The following MBTPS1 variants were observed in gnomAD, a reference collection of about 807,000 sequenced individuals.
The protein encoded by MBTPS1 is membrane bound transcription factor peptidase, site 1.
Under a neutral mutation model 127.8 loss-of-function variants are expected in MBTPS1, and 94 were observed. That is an observed-to-expected ratio of 0.74 (90% CI 0.62 to 0.87). The LOEUF (loss-of-function observed/expected upper bound fraction) is 0.87. Ranked by LOEUF, MBTPS1 falls within the 40% of genes least tolerant of loss-of-function variation. MBTPS1 has a pLI of 0.00. For synonymous variants in MBTPS1, 632 were observed against 509.4 expected (o/e 1.24, Z -3.24); for missense variants, 1,636 against 1,353.2 (o/e 1.21, Z -3.28).
At chr16:84,115,633 C>T (rs11860904) in intron 1 of MBTPS1, among the ~76,000 whole-genome samples, 1 of 152,030 alleles carries the variant, frequency 6.6e-6, no homozygotes, top group East Asian at 1.9e-4. Context: ...CACAAAAGGC[C>T]GCATATCATA....
chr16:84,070,790 A>T lies in MBTPS1; in HGVS notation c.1594-14T>A, dbSNP rs772223824. 2 of 1,593,588 alleles carry T rather than the reference A, an allele frequency of 1.3e-6. No individual in the cohort carries two copies. The highest frequency in any genetic ancestry group is 1.4e-5 in the African/African-American group (1 of 73,804). On this transcript the variant is annotated splice_polypyrimidine_tract_variant and intron_variant, in intron 12 of 22. Transcript: ENST00000343411. ...CTGCCAGTCAGGCTGCAGGAAAAAG[A>T]AATCAGACAAAGGCTAAAGTGAAAA... is the stretch of plus-strand genomic sequence containing the variant.
intron 10 of MBTPS1, among the ~76,000 whole-genome samples, chr16:84,083,458 CTT>C (rs776867410): frequency 3.4e-5 from 5 of 147,004 alleles, no homozygotes; most frequent in Admixed American, 6.8e-5. Flanking sequence ...ATATCTACCC[CTT>C]TTTTTTTTTT....
rs749778908 is a variant in MBTPS1 at position 84,070,770 on chromosome 16, A to G, written c.1600T>C (p.Trp534Arg). The G allele has an allele frequency of 1.9e-6, 3 of 1,604,782 alleles. No individual in the cohort carries two copies. Among genetic ancestry groups the G allele is most frequent in the Non-Finnish European group, 8.5e-7 (1 of 1,175,178 alleles). Residue 534 changes from tryptophan to arginine, a missense_variant, in exon 13 of 23, where the codon TGG becomes CGG. Trp to Arg is a moderately radical substitution (Grantham distance 101). Coordinates refer to ENST00000343411, the MANE Select transcript of MBTPS1 (RefSeq NM_003791.4). Reference sequence around the variant, plus strand: ...CCGTTCTGTGGCAAATAGGGCTGCCAGTCAGGCTGCAGGAAAAAGAAATCA... The same window carrying G: ...CCGTTCTGTGGCAAATAGGGCTGCCGGTCAGGCTGCAGGAAAAAGAAATCA... ...VTGRIVDKPD[W>R]QPYLPQNGDN...
intron 8 of MBTPS1, among the ~76,000 whole-genome samples, chr16:84,090,327 C>T (rs1330046409): frequency 6.6e-6 from 1 of 151,614 alleles, no homozygotes; most frequent in Non-Finnish European, 1.5e-5. Flanking sequence ...CACAAAGGCC[C>T]CCCTGTGACA....
intron 19 of MBTPS1, among the ~76,000 whole-genome samples, chr16:84,062,974 C>A (rs2085635297): frequency 6.6e-6 from 1 of 152,214 alleles, no homozygotes; most frequent in African/African-American, 2.4e-5. Flanking sequence ...GCGTAGGAAG[C>A]CTGGGAGGGG....
chr16:84,071,695 CAATA>C (rs1243857370), intron 12 of MBTPS1: 1 of 151,722 alleles, frequency 6.6e-6, no homozygotes, highest in African/African-American at 2.4e-5. Context: ...ATCTGCAAAA[CAATA>C]AAAGTCACAA....
intron 8 of MBTPS1, among the ~76,000 whole-genome samples, chr16:84,089,634 G>A (rs1320642847): frequency 6.6e-6 from 1 of 152,230 alleles, no homozygotes; most frequent in African/African-American, 2.4e-5. Context: ...TCTGCAGGCT[G>A]CTCTCTACTC....
chr16:84,081,599 A>C lies in MBTPS1; in HGVS notation c.1448+148T>G, dbSNP rs184627838. On this transcript the variant is annotated intron_variant, in intron 11 of 22. Coordinates refer to ENST00000343411, the MANE Select transcript of MBTPS1 (RefSeq NM_003791.4). ...CAGTTCTGCCAGCAGCACCCTGTAG[A>C]AGCAGCAGCAAAACCTCTCCAAGCA... 4.9e-5 allele frequency: 25 copies of C among 506,700 alleles called. No homozygotes were observed. In the East Asian group the frequency reaches 7.8e-4, roughly 16 times the overall value. 31.4% of individuals were successfully genotyped at this position (506,700 alleles called of 1,614,324 possible).
chr16:84,090,757 G>C, intron 8 of MBTPS1, 118 bp downstream of exon 8: 1 of 755,910 alleles, frequency 1.3e-6, no homozygotes, highest in Non-Finnish European at 2.3e-6. Flanking sequence ...ACATCCTTAA[G>C]ACAAGTTTTA....
rs528306898 is a variant in MBTPS1, at chr16:84,055,141, G to C, written c.2963-496C>G. Reference sequence around the variant, plus strand: ...TCATGGAGGGGACGTGTGGCTGAAAGCCAGGAGAGGCCATCAGAGGACCCT... The same window carrying C: ...TCATGGAGGGGACGTGTGGCTGAAACCCAGGAGAGGCCATCAGAGGACCCT... On this transcript the variant is annotated intron_variant, in intron 22 of 22. Transcript: ENST00000343411. 3.9e-5 allele frequency among the ~76,000 whole-genome samples: 6 copies of C among 152,348 alleles called. No individual in the cohort carries two copies. The South Asian group carries it at 1.2e-3, about 32-fold the overall frequency.
intron 1 of MBTPS1, among the ~76,000 whole-genome samples, chr16:84,103,539 G>A (rs938795646): frequency 2.0e-5 from 3 of 151,994 alleles, no homozygotes; most frequent in African/African-American, 7.3e-5. Flanking sequence ...GACAAGAGCC[G>A]CCATGTCCGC....
At chr16:84,054,779 ATT>A (rs764448448) in intron 22 of MBTPS1, 134 bp from the exon 23 acceptor site, 108 of 639,118 alleles carry the variant, frequency 1.7e-4, no homozygotes, top group Non-Finnish European at 2.6e-4. Context: ...GGCATACATC[ATT>A]TTTAAGCCTT....
intron 1 of MBTPS1, among the ~76,000 whole-genome samples, chr16:84,105,458 TG>T (rs1212885544): frequency 6.6e-6 from 1 of 152,036 alleles, no homozygotes; most frequent in African/African-American, 2.4e-5. Context: ...CTCCGGGCTG[TG>T]AAGAGGCGGC....
intron 17 of MBTPS1, 32 bp from the exon 18 acceptor site, chr16:84,065,799 C>G (rs750977699): frequency 1.2e-5 from 16 of 1,354,188 alleles, no homozygotes; most frequent in Admixed American, 2.4e-5. Context: ...CAAGGGAACA[C>G]AGGAACGCCG....
intron 21 of MBTPS1, chr16:84,057,898 T>C (rs1038013738): frequency 2.0e-5 from 3 of 152,214 alleles, no homozygotes; most frequent in Non-Finnish European, 2.9e-5. Flanking sequence ...AGAAAGGATA[T>C]TGTTATCTGC....
intron 18 of MBTPS1, among the ~76,000 whole-genome samples, chr16:84,065,426 C>G (rs2085667378): frequency 6.6e-6 from 1 of 152,046 alleles, no homozygotes; most frequent in Non-Finnish European, 1.5e-5. Flanking sequence ...TTAAAAGAAA[C>G]CAAAATGTCG....
chr16:84,097,778 G>A (rs2086196104), intron 3 of MBTPS1, among the ~76,000 whole-genome samples: 2 of 151,914 alleles, frequency 1.3e-5, no homozygotes, highest in South Asian at 4.1e-4. Flanking sequence ...AAAAGGCTCT[G>A]AAAAAGTCAG....
chr16:84,095,180 C>T (rs926076216), intron 4 of MBTPS1, among the ~76,000 whole-genome samples: 4 of 152,208 alleles, frequency 2.6e-5, no homozygotes, highest in Admixed American at 2.0e-4. Flanking sequence ...AACTAATTTC[C>T]GTGGAATTGC....
intron 2 of MBTPS1, among the ~76,000 whole-genome samples, chr16:84,100,351 C>T (rs2086236760): frequency 6.6e-6 from 1 of 152,176 alleles, no homozygotes; most frequent in African/African-American, 2.4e-5. Context: ...GCAAGACCAG[C>T]CTGACCAACA....
Sources: allele counts gnomAD v4.1 joint callset (sites outside exome capture counted in the v4.1 genomes callset), GRCh38; gene constraint gnomAD v4.1.1; transcripts MANE v1.5; gene names NCBI Gene and HGNC (gene_info 2026-07-23, HGNC 2026-07-21).